ZNF804A: variants seen among roughly 807,000 people sequenced by gnomAD.
The protein encoded by ZNF804A is zinc finger protein 804A.
Under a neutral mutation model 16.5 loss-of-function variants are expected in ZNF804A, and 2 were observed. That is an observed-to-expected ratio of 0.12 (90% CI 0.05 to 0.38). The LOEUF (loss-of-function observed/expected upper bound fraction) is 0.38. ZNF804A is among the 10% of genes least tolerant of loss of function. The pLI is 0.99. For synonymous variants in ZNF804A, 534 were observed against 489.6 expected (o/e 1.09, Z -1.20); for missense variants, 1,473 against 1,390.7 (o/e 1.06, Z -0.94).
At chr2:184,765,793 A>G (rs769146164) in intron 1 of ZNF804A, among the ~76,000 whole-genome samples, 22 of 152,240 alleles carry the variant, frequency 1.4e-4, no homozygotes, top group Non-Finnish European at 2.9e-4. Context: ...CTGAAAGTTA[A>G]TTCTTCCAAT....
chr2:184,643,555 A>T (rs1691827483), intron 1 of ZNF804A, among the ~76,000 whole-genome samples: 1 of 151,906 alleles, frequency 6.6e-6, no homozygotes, highest in Non-Finnish European at 1.5e-5. Context: ...TTCAAATAAA[A>T]CTGTATCAAA....
At chr2:184,833,178 A>G (rs1371291395) in intron 1 of ZNF804A, among the ~76,000 whole-genome samples, 1 of 151,816 alleles carries the variant, frequency 6.6e-6, no homozygotes, top group African/African-American at 2.4e-5. Context: ...TTTTTTGTAA[A>G]TTTCCCATGC....
At chr2:184,782,608 C>T (rs908236606) in intron 1 of ZNF804A, among the ~76,000 whole-genome samples, 2 of 150,584 alleles carry the variant, frequency 1.3e-5, no homozygotes, top group African/African-American at 2.4e-5. Context: ...TTTCAGATGG[C>T]CTATTGTGGG....
intron 1 of ZNF804A, among the ~76,000 whole-genome samples, chr2:184,765,707 T>A (rs1172075762): frequency 6.7e-6 from 1 of 149,560 alleles, no homozygotes; most frequent in Admixed American, 6.7e-5. Context: ...CCCTGCAGAA[T>A]AAACCCCTTC....
At chr2:184,884,075 A>G (rs72907727) in intron 2 of ZNF804A, among the ~76,000 whole-genome samples, 7,664 of 152,204 alleles carry the variant, frequency 0.05, 252 homozygotes, top group Middle Eastern at 0.078. Context: ...CTCTGCCCCA[A>G]AGCTCCTAGA....
intron 1 of ZNF804A, among the ~76,000 whole-genome samples, chr2:184,802,128 G>A (rs1012387662): frequency 2.6e-5 from 4 of 152,070 alleles, no homozygotes; most frequent in African/African-American, 9.7e-5. Context: ...CCGAAGAAAG[G>A]GTACCTTTCA....
chr2:184,686,855 CA>C (rs1692644423), intron 1 of ZNF804A, among the ~76,000 whole-genome samples: 1 of 152,098 alleles, frequency 6.6e-6, no homozygotes, highest in South Asian at 2.1e-4. Flanking sequence ...GAAAGGTTCC[CA>C]TTCATGTTCT....
intron 1 of ZNF804A, among the ~76,000 whole-genome samples, chr2:184,828,040 T>C (rs1338345635): frequency 3.4e-5 from 5 of 146,012 alleles, no homozygotes; most frequent in Non-Finnish European, 7.4e-5. Flanking sequence ...ACATCATTAA[T>C]GGTGGCATGA....
intron 1 of ZNF804A, among the ~76,000 whole-genome samples, chr2:184,704,438 A>T (rs1692986292): frequency 6.6e-6 from 1 of 152,076 alleles, no homozygotes; most frequent in African/African-American, 2.4e-5. Flanking sequence ...TTCTTAAAAG[A>T]GGTTAAAAAG....
intron 1 of ZNF804A, among the ~76,000 whole-genome samples, chr2:184,707,898 C>T (rs1336493169): frequency 6.6e-6 from 1 of 152,066 alleles, no homozygotes; most frequent in Non-Finnish European, 1.5e-5. Context: ...AATTTAAATT[C>T]CTACCTACAG....
chr2:184,818,887 T>C (rs72905708), intron 1 of ZNF804A, among the ~76,000 whole-genome samples: 7,673 of 152,118 alleles, frequency 0.05, 256 homozygotes, highest in Middle Eastern at 0.078. Flanking sequence ...ATGCATCCAA[T>C]ACAGGAGCAC....
chr2:184,818,470 C>T (rs922670483), intron 1 of ZNF804A, among the ~76,000 whole-genome samples: 1 of 151,936 alleles, frequency 6.6e-6, no homozygotes, highest in African/African-American at 2.4e-5. Context: ...AATCCACAAA[C>T]CAATGACACT....
At chr2:184,616,484 A>G (rs2105676185) in intron 1 of ZNF804A, among the ~76,000 whole-genome samples, 1 of 152,290 alleles carries the variant, frequency 6.6e-6, no homozygotes, top group East Asian at 1.9e-4. Flanking sequence ...AGTGTCTGGC[A>G]TATAATAAAA....
At chr2:184,901,553 T>A (rs947183945) in intron 2 of ZNF804A, among the ~76,000 whole-genome samples, 3 of 152,180 alleles carry the variant, frequency 2.0e-5, no homozygotes, top group African/African-American at 7.2e-5. Context: ...AGGTAAATTA[T>A]ACTTTCCTCA....
Position 184,936,559 on chromosome 2 carries a change from C to A in ZNF804A, c.1163C>A (p.Thr388Asn). ...ENVKHNEAST[T>N]EVENKNGPET... Reference sequence around the variant, plus strand: ...GTTAAGCATAACGAGGCATCCACAACTGAGGTTGAAAATAAAAATGGTCCC... The same window carrying A: ...GTTAAGCATAACGAGGCATCCACAAATGAGGTTGAAAATAAAAATGGTCCC... The change falls in exon 4 of 4, where the codon ACT (threonine) becomes AAT (asparagine). Residue 388 changes from threonine (T) to asparagine (N), a missense_variant. Thr to Asn is a moderately conservative substitution (Grantham distance 65, BLOSUM62 0). Transcript: ENST00000302277. 1 of 1,613,978 alleles carries A rather than the reference C, an allele frequency of 6.2e-7. No individual in the cohort carries two copies. Among genetic ancestry groups the A allele is most frequent in the Non-Finnish European group, 8.5e-7 (1 of 1,179,952 alleles).
intron 2 of ZNF804A, among the ~76,000 whole-genome samples, chr2:184,918,228 A>G (rs193133502): frequency 2.0e-5 from 3 of 152,244 alleles, no homozygotes; most frequent in Admixed American, 1.3e-4. Flanking sequence ...CTGTTGATTC[A>G]GAGACATAAG....
At chr2:184,717,003 C>A (rs1693225606) in intron 1 of ZNF804A, among the ~76,000 whole-genome samples, 1 of 152,122 alleles carries the variant, frequency 6.6e-6, no homozygotes, top group South Asian at 2.1e-4. Context: ...GAAACCCTGT[C>A]ATAACTCCTC....
rs903084507 is a variant in ZNF804A at position 184,848,638 on chromosome 2, G to A, written c.112-17731G>A. On this transcript the variant is annotated intron_variant, in intron 1 of 3. Coordinates refer to ENST00000302277, the MANE Select transcript of ZNF804A (RefSeq NM_194250.2). ...ATAACAAGTCCAAGTGTCAAAGTGG[G>A]CATATAGTTATGAAAGCTTCAGAAA... Among the ~76,000 whole-genome samples the A allele has an allele frequency of 3.3e-5, 5 of 151,974 alleles. No individual in the cohort carries two copies. In the East Asian group the frequency reaches 9.7e-4, roughly 29 times the overall value.
At chr2:184,924,920 A>AT (rs948338675) in intron 2 of ZNF804A, among the ~76,000 whole-genome samples, 10 of 151,144 alleles carry the variant, frequency 6.6e-5, no homozygotes, top group Non-Finnish European at 1.3e-4. Flanking sequence ...TATTATTTCA[A>AT]TTTTTTTTGA....
Sources: gnomAD v4.1 joint callset for allele counts (sites outside exome capture counted in the v4.1 genomes callset) on GRCh38, gnomAD v4.1.1 for gene constraint, MANE v1.5 for transcripts, NCBI Gene and HGNC (gene_info 2026-07-23, HGNC 2026-07-21) for gene names.